The following TRIO variants were observed in gnomAD, a reference collection of about 807,000 sequenced individuals.
TRIO encodes triple functional domain protein.
A neutral mutation model predicts 351.9 loss-of-function variants in TRIO; 58 were observed. The ratio of observed to expected loss-of-function variants is 0.16; its 90% confidence interval spans 0.13 to 0.21. TRIO has a LOEUF of 0.21. Among genes scored for constraint, TRIO ranks in the 10% least tolerant of loss-of-function variants. TRIO has a pLI of 1.00. For missense variants in TRIO, 3,201 were observed against 4,027.8 expected, an observed-to-expected ratio of 0.79 and a Z score of 5.56; for synonymous variants, 1,758 against 1,595.7, an observed-to-expected ratio of 1.10 and a Z score of -2.42.
intron 34 of TRIO, among the ~76,000 whole-genome samples, chr5:14,434,180 C>T (rs1751402221): frequency 6.6e-6 from 1 of 152,126 alleles, no homozygotes. Flanking sequence ...TGACCATGAC[C>T]ATATGAGCTG....
rs1436020063 is a variant in TRIO, at chr5:14,497,276, A to C, written c.8019+259A>C. ...CATGTGGCTTCTAAAGAATATGGTT[A>C]GGTTTGCAAATGAAGCACAGAGACT... On this transcript the variant is annotated intron_variant, in intron 50 of 56. Transcript: ENST00000344204. The surrounding 1 kb of genome is among the most constrained non-coding windows in gnomAD (Gnocchi z 4.4). Among the ~76,000 whole-genome samples the C allele has an allele frequency of 6.6e-6, 1 of 152,196 alleles. No individual in the cohort carries two copies. The highest frequency in any genetic ancestry group is 1.5e-5 in the Non-Finnish European group (1 of 68,038).
At position 14,488,009 on chromosome 5, in the gene TRIO, C is replaced by G. The variant is rs1048442617; in HGVS notation, c.7381C>G (p.Leu2461Val). The part of the protein sequence containing the change: ...AGAASPLNSP[L>V]SSAVPSLGKE... ...GGCCGCTTCGCCGCTGAACTCGCCGCTCTCCAGCGCGGTCCCTTCTCTCGG... is the reference window on the plus strand; with the variant it reads ...GGCCGCTTCGCCGCTGAACTCGCCGGTCTCCAGCGCGGTCCCTTCTCTCGG... Residue 2461 changes from leucine to valine, a missense_variant, in exon 48 of 57, where the codon CTC becomes GTC. Leu to Val is a conservative substitution (Grantham distance 32, BLOSUM62 1). Around this residue, in one of 19 missense-constraint regions of TRIO, gnomAD observed 1,089 missense variants for 954.9 expected, o/e 1.14. Coordinates refer to ENST00000344204, the MANE Select transcript of TRIO (RefSeq NM_007118.4). The G allele has an allele frequency of 1.9e-6, 3 of 1,583,604 alleles. No homozygotes were observed. The highest frequency in any genetic ancestry group is 2.6e-6 in the Non-Finnish European group (3 of 1,166,228).
In TRIO at chr5:14,184,128, T is replaced by C. The variant is rs538292902; in HGVS notation, c.157+40246T>C. ...TGTGTGTTTGGATGGTTGGGTGCCA[T>C]GTCTGTTAAAAATCCAACCGGCTAG... On this transcript the variant is annotated intron_variant, in intron 1 of 56. Coordinates refer to ENST00000344204, the MANE Select transcript of TRIO (RefSeq NM_007118.4). Among the ~76,000 whole-genome samples, 5 of 152,330 alleles carry C rather than the reference T, an allele frequency of 3.3e-5. No individual in the cohort carries two copies. The South Asian group carries it at 1.0e-3, about 32-fold the overall frequency.
intron 38 of TRIO, 102 bp from the exon 39 acceptor site, chr5:14,472,490 A>T: frequency 8.4e-7 from 1 of 1,190,290 alleles, no homozygotes; most frequent in Non-Finnish European, 1.2e-6. Context: ...TTGATACATT[A>T]CTATTCAGTC....
At chr5:14,463,462 C>G (rs1313570241) in intron 36 of TRIO, among the ~76,000 whole-genome samples, 1 of 152,214 alleles carries the variant, frequency 6.6e-6, no homozygotes, top group Non-Finnish European at 1.5e-5. Context: ...CAGTTGAAAG[C>G]TCTTTGGGTC....
chr5:14,332,186 A>T (rs60568524), intron 10 of TRIO, among the ~76,000 whole-genome samples: 4,406 of 152,258 alleles, frequency 0.029, 229 homozygotes, highest in African/African-American at 0.1. Flanking sequence ...ATCCCCCTGG[A>T]TTCAAATTAT....
chr5:14,287,325 A>ACAATAT (rs1736536702), intron 4 of TRIO, among the ~76,000 whole-genome samples: 1 of 152,178 alleles, frequency 6.6e-6, no homozygotes, highest in South Asian at 2.1e-4. Context: ...AGGCCTTGGC[A>ACAATAT]GAGAAGCTTG....
intron 15 of TRIO, 25 bp from the exon 16 acceptor site, chr5:14,366,835 G>T: frequency 1.9e-6 from 3 of 1,613,816 alleles, no homozygotes; most frequent in Non-Finnish European, 2.5e-6. Flanking sequence ...TCCACTGCTT[G>T]GAGTTATCCT....
At chr5:14,315,385 T>A (rs1483405536) in intron 8 of TRIO, among the ~76,000 whole-genome samples, 1 of 151,970 alleles carries the variant, frequency 6.6e-6, no homozygotes, top group African/African-American at 2.4e-5. Context: ...CCCGAGTAGC[T>A]GGGACTACAG....
intron 1 of TRIO, among the ~76,000 whole-genome samples, chr5:14,228,806 G>A (rs1051278887): frequency 3.9e-5 from 6 of 152,124 alleles, no homozygotes; most frequent in Non-Finnish European, 8.8e-5. Flanking sequence ...GAGAGGCGGA[G>A]GTTGCAGTGA....
chr5:14,366,852 T>A lies in TRIO; in HGVS notation c.2755-8T>A. Reference sequence around the variant, plus strand: ...CACTGCTTGGAGTTATCCTGTGTAATGTTTCAGGTGCTGGGTTGGATCCGC... The same window carrying A: ...CACTGCTTGGAGTTATCCTGTGTAAAGTTTCAGGTGCTGGGTTGGATCCGC... On this transcript the variant is annotated splice_region_variant and splice_polypyrimidine_tract_variant and intron_variant, in intron 15 of 56. Transcript: ENST00000344204. 6.2e-7 allele frequency: 1 copy of A among 1,614,126 alleles called. No homozygotes were observed. Among genetic ancestry groups the A allele is most frequent in the East Asian group, 2.2e-5 (1 of 44,876 alleles).
chr5:14,376,243 G>A (rs551451727), intron 19 of TRIO, among the ~76,000 whole-genome samples: 97 of 152,206 alleles, frequency 6.4e-4, no homozygotes, highest in Middle Eastern at 3.4e-3. Context: ...TAAAGTTACC[G>A]GGAACCCTTT....
intron 1 of TRIO, among the ~76,000 whole-genome samples, chr5:14,195,957 C>T (rs1561189218): frequency 6.6e-6 from 1 of 151,970 alleles, no homozygotes; most frequent in Admixed American, 6.6e-5. Context: ...TTCTCCATAT[C>T]TGTATTTGTA....
At chr5:14,315,642 A>AGCAG (rs1260233001) in intron 8 of TRIO, among the ~76,000 whole-genome samples, 4 of 152,262 alleles carry the variant, frequency 2.6e-5, no homozygotes, top group African/African-American at 7.2e-5. Flanking sequence ...AGACACCTGC[A>AGCAG]TCCCACACCT....
intron 48 of TRIO, chr5:14,489,308 TG>T (rs1161449469): frequency 2.4e-5 from 10 of 415,270 alleles, no homozygotes; most frequent in African/African-American, 1.6e-4. Context: ...AATTAACAAA[TG>T]GGTCTTGATA....
rs1334930671 is a variant in TRIO, at chr5:14,509,720, G to A, written c.*1298G>A. The A allele has an allele frequency of 9.4e-6, 3 of 318,222 alleles. No homozygotes were observed. The highest frequency in any genetic ancestry group is 1.8e-5 in the Non-Finnish European group (3 of 165,734). 19.7% of individuals were successfully genotyped at this position (318,222 alleles called of 1,614,324 possible). A position where few individuals can be genotyped will look rare whatever the true frequency, so the allele number is the denominator to read the frequency against. On this transcript the variant is annotated 3_prime_UTR_variant, in exon 57 of 57. Transcript: ENST00000344204. ...GCCCCGCGGCTGGTACCCAATGCCC[G>A]AGTCACTGTGGCAGCATTCGCACTG...
At chr5:14,385,082 A>C (rs940620776) in intron 21 of TRIO, among the ~76,000 whole-genome samples, 5 of 152,238 alleles carry the variant, frequency 3.3e-5, no homozygotes, top group African/African-American at 1.2e-4. Context: ...CCGAGATCAA[A>C]AAGGTGGACC....
chr5:14,382,828 G>T (rs186741937), intron 21 of TRIO, among the ~76,000 whole-genome samples: 13 of 150,294 alleles, frequency 8.6e-5, no homozygotes, highest in African/African-American at 2.5e-4. Context: ...CACATTATAT[G>T]ATCTGTATTT....
intron 9 of TRIO, among the ~76,000 whole-genome samples, chr5:14,317,304 A>ATC (rs1299139772): frequency 6.6e-6 from 1 of 152,238 alleles, no homozygotes. Context: ...TTATTATAGA[A>ATC]TAAGAGTTTT....
Sources: gnomAD v4.1 joint callset for allele counts (sites outside exome capture counted in the v4.1 genomes callset) on GRCh38, gnomAD v4.1.1 for gene constraint, gnomAD v4.1.1 regional missense constraint, Gnocchi (gnomAD v3.1) non-coding constraint, MANE v1.5 for transcripts, NCBI Gene and HGNC (gene_info 2026-07-23, HGNC 2026-07-21) for gene names.